Variants in SPICE1 observed in about 807,000 individuals in gnomAD.
SPICE1 encodes spindle and centriole associated protein 1, also known as spindle and centriole-associated protein 1.
In SPICE1, 75 loss-of-function variants were observed where a neutral mutation model predicts 102.7. The observed-to-expected ratio is 0.73, with a 90% CI of 0.61 to 0.88. The LOEUF (loss-of-function observed/expected upper bound fraction) is 0.88. Among genes scored for constraint, SPICE1 ranks in the 40% least tolerant of loss-of-function variants. The pLI is 0.00. For missense variants in SPICE1, 979 were observed against 1,020.1 expected (o/e 0.96, Z 0.55); for synonymous variants, 308 against 350.3 (o/e 0.88, Z 1.35).
intron 14 of SPICE1, among the ~76,000 whole-genome samples, 175 bp from the exon 15 acceptor site, chr3:113,450,691 C>T (rs1320266891): frequency 2.0e-5 from 3 of 151,834 alleles, no homozygotes; most frequent in Non-Finnish European, 4.4e-5. Context: ...ATTCTCCTGC[C>T]TCAGTCTCCC....
chr3:113,477,516 G>A (rs1460912695), intron 7 of SPICE1, among the ~76,000 whole-genome samples: 2 of 151,348 alleles, frequency 1.3e-5, no homozygotes, highest in Non-Finnish European at 2.9e-5. Flanking sequence ...ATTCACAATA[G>A]CAAAGACTTG....
chr3:113,499,461 C>G lies in SPICE1; in HGVS notation c.269G>C (p.Arg90Thr). The G allele has an allele frequency of 1.2e-6, 2 of 1,613,056 alleles. No homozygotes were observed. The highest frequency in any genetic ancestry group is 1.7e-6 in the Non-Finnish European group (2 of 1,179,752). ...TACCTCCTTCATGATAGACAATCTT[C>G]TTTTCTCAAGATTTAAAGTTTCTGG... ...QKPETLNLEK[R>T]RLSIMKEILS... The change falls in exon 4 of 18, where the codon AGA (arginine) becomes ACA (threonine). Residue 90 changes from arginine (R) to threonine (T), a missense_variant. Arg to Thr is a moderately conservative substitution (Grantham distance 71). Transcript: ENST00000295872.
chr3:113,506,649 AC>A (rs1249396492), intron 1 of SPICE1, 44 bp from the exon 2 acceptor site: 1 of 1,519,168 alleles, frequency 6.6e-7, no homozygotes, highest in East Asian at 2.3e-5. Context: ...ACAAGAAAAA[AC>A]AATAAGCATC....
chr3:113,466,487 G>A (rs1166004961), intron 10 of SPICE1, among the ~76,000 whole-genome samples: 1 of 151,994 alleles, frequency 6.6e-6, no homozygotes, highest in Non-Finnish European at 1.5e-5. Flanking sequence ...GTGCACGCCT[G>A]TAGTCCCAGA....
chr3:113,512,899 T>C (rs1384998314), intron 1 of SPICE1, among the ~76,000 whole-genome samples: 1 of 152,180 alleles, frequency 6.6e-6, no homozygotes, highest in African/African-American at 2.4e-5. Flanking sequence ...GCATTAGAGA[T>C]ACAAGTAAAC....
intron 10 of SPICE1, among the ~76,000 whole-genome samples, chr3:113,467,624 T>C (rs1203513095): frequency 6.6e-6 from 1 of 152,206 alleles, no homozygotes; most frequent in Admixed American, 6.5e-5. Context: ...TTGCTTATTT[T>C]ATAAATTATT....
rs145163353 is a variant in SPICE1 at position 113,473,162 on chromosome 3, G to A, written c.612-3924C>T. On this transcript the variant is annotated intron_variant, in intron 7 of 17. Transcript: ENST00000295872. ...ACGCAGAAGCCTCAGGAGCTAATGC[G>A]ATCAACTGGAAGAAAGGGTATCAGC... Among the ~76,000 whole-genome samples, 1,235 of 152,256 alleles carry A rather than the reference G, an allele frequency of 8.1e-3. 12 individuals carry two copies. Among genetic ancestry groups the A allele is most frequent in the African/African-American group, 0.028 (1,153 of 41,534 alleles).
At chr3:113,473,810 C>A (rs948268992) in intron 7 of SPICE1, among the ~76,000 whole-genome samples, 2 of 151,694 alleles carry the variant, frequency 1.3e-5, no homozygotes, top group African/African-American at 4.9e-5. Context: ...AAGGAACAAC[C>A]GGTACCAGCC....
chr3:113,488,626 A>G (rs910594745), intron 7 of SPICE1, among the ~76,000 whole-genome samples: 8 of 152,210 alleles, frequency 5.3e-5, no homozygotes, highest in African/African-American at 1.9e-4. Context: ...TAGGTGCGGA[A>G]TAAAAAACTG....
intron 13 of SPICE1, 88 bp from the exon 14 acceptor site, chr3:113,454,038 T>C: frequency 8.0e-7 from 1 of 1,249,216 alleles, no homozygotes; most frequent in Non-Finnish European, 1.1e-6. Context: ...CCATGGTAGT[T>C]AGAAAAGTAT....
intron 4 of SPICE1, among the ~76,000 whole-genome samples, chr3:113,494,457 C>G (rs1262547735): frequency 6.6e-6 from 1 of 151,982 alleles, no homozygotes; most frequent in Non-Finnish European, 1.5e-5. Context: ...ACCATCCCGG[C>G]TAAAACGGTG....
At chr3:113,488,586 T>C (rs1936696217) in intron 7 of SPICE1, among the ~76,000 whole-genome samples, 1 of 152,054 alleles carries the variant, frequency 6.6e-6, no homozygotes, top group South Asian at 2.1e-4. Context: ...ATAACAAACT[T>C]TGGAGACTCA....
At chr3:113,450,579 A>AT (rs764682551) in intron 14 of SPICE1, 63 bp from the exon 15 acceptor site, 88,891 of 1,193,560 alleles carry the variant, frequency 0.074, 18 homozygotes, top group Non-Finnish European at 0.079. Flanking sequence ...CTCTCCCACG[A>AT]TTTTTTTTTT....
intron 4 of SPICE1, among the ~76,000 whole-genome samples, chr3:113,497,878 G>A (rs1936930041): frequency 6.9e-6 from 1 of 145,844 alleles, no homozygotes; most frequent in South Asian, 2.1e-4. Flanking sequence ...AATCTTTAGG[G>A]CTTTTTTTTT....
At chr3:113,502,919 T>G (rs560013848) in intron 3 of SPICE1, among the ~76,000 whole-genome samples, 5 of 151,546 alleles carry the variant, frequency 3.3e-5, no homozygotes, top group South Asian at 2.1e-4. Flanking sequence ...TAGATAGATA[T>G]ATATCAGGCA....
rs1481361668 is a variant in SPICE1 at position 113,444,823 on chromosome 3, C to A, written c.*484G>T. 6.6e-6 allele frequency: 1 copy of A among 152,286 alleles called. No individual in the cohort carries two copies. Among genetic ancestry groups the A allele is most frequent in the African/African-American group, 2.4e-5 (1 of 41,414 alleles). The allele number at this position is 152,286 out of a possible 1,614,324, so 9.4% of individuals were successfully genotyped here. On this transcript the variant is annotated 3_prime_UTR_variant, in exon 18 of 18. Coordinates refer to ENST00000295872, the MANE Select transcript of SPICE1 (RefSeq NM_144718.4). ...TTCACTTGATGGAAAAAGTGATGAA[C>A]AGCAATGACTTCCCAAGAAAAAAGA...
chr3:113,450,214 C>T (rs1576620351), intron 15 of SPICE1, 122 bp downstream of exon 15: 1 of 1,091,778 alleles, frequency 9.2e-7, no homozygotes, highest in East Asian at 2.5e-5. Flanking sequence ...TCTTTCTGTG[C>T]AAAATTGAAG....
At chr3:113,446,109 T>G (rs75254398) in intron 17 of SPICE1, among the ~76,000 whole-genome samples, 3,924 of 152,276 alleles carry the variant, frequency 0.026, 63 homozygotes, top group East Asian at 0.053. Context: ...GAAGAACACA[T>G]TAAGACATTT....
chr3:113,492,250 A>G (rs1936782532), intron 6 of SPICE1, among the ~76,000 whole-genome samples: 1 of 152,192 alleles, frequency 6.6e-6, no homozygotes, highest in South Asian at 2.1e-4. Flanking sequence ...GTATGAAACA[A>G]TATAATTAAT....
Sources: gnomAD v4.1 joint callset for allele counts (sites outside exome capture counted in the v4.1 genomes callset) on GRCh38, gnomAD v4.1.1 for gene constraint, MANE v1.5 for transcripts, NCBI Gene and HGNC (gene_info 2026-07-23, HGNC 2026-07-21) for gene names.